The following IKBKB-DT variants were observed in gnomAD, a reference collection of about 807,000 sequenced individuals.
The protein encoded by IKBKB-DT is IKBKB divergent transcript.
At chr8:42,255,514 T>C (rs1807186560) in intron 3 of IKBKB-DT, 1 of 152,166 alleles carries the variant, frequency 6.6e-6, no homozygotes, top group Non-Finnish European at 1.5e-5. Context: ...TTCTTACTCA[T>C]CTGTAAGGCA....
At chr8:42,258,147 T>C (rs1327205913) in intron 3 of IKBKB-DT, among the ~76,000 whole-genome samples, 2 of 152,196 alleles carry the variant, frequency 1.3e-5, no homozygotes, top group East Asian at 3.8e-4. Context: ...AATACTCCAA[T>C]AAAACTTTGT....
At chr8:42,238,373 A>C (rs1222545247) in intron 3 of IKBKB-DT, among the ~76,000 whole-genome samples, 3 of 152,190 alleles carry the variant, frequency 2.0e-5, no homozygotes, top group Non-Finnish European at 4.4e-5. Flanking sequence ...CACAGGAGGA[A>C]TTTAGTTTAC....
intron 3 of IKBKB-DT, among the ~76,000 whole-genome samples, chr8:42,250,981 C>A (rs1263673572): frequency 6.6e-6 from 1 of 152,116 alleles, no homozygotes; most frequent in Non-Finnish European, 1.5e-5. Flanking sequence ...ACCTGTAATC[C>A]CAGCACTTTG....
At chr8:42,252,787 T>C (rs1807145111) in intron 3 of IKBKB-DT, among the ~76,000 whole-genome samples, 1 of 152,226 alleles carries the variant, frequency 6.6e-6, no homozygotes, top group Non-Finnish European at 1.5e-5. Context: ...CATCATACCT[T>C]AAAAAGTACA....
exon 1 of IKBKB-DT, chr8:42,271,181 C>T: frequency 1.7e-6 from 1 of 603,086 alleles, no homozygotes; most frequent in Middle Eastern, 4.1e-4. Context: ...ACGCCACCCC[C>T]GCCCCGGGGG....
intron 1 of IKBKB-DT, among the ~76,000 whole-genome samples, chr8:42,269,302 A>T (rs1452155482): frequency 2.0e-5 from 3 of 149,826 alleles, no homozygotes; most frequent in African/African-American, 7.4e-5. Context: ...AGTGGGCGAT[A>T]GAGAAAGGCC....
intron 3 of IKBKB-DT, among the ~76,000 whole-genome samples, chr8:42,248,630 C>G (rs1486802556): frequency 6.6e-6 from 1 of 152,054 alleles, no homozygotes; most frequent in Non-Finnish European, 1.5e-5. Flanking sequence ...TCTGTAATCC[C>G]AGCACTTTGG....
chr8:42,248,852 G>A (rs1315143951), intron 3 of IKBKB-DT, among the ~76,000 whole-genome samples: 1 of 148,738 alleles, frequency 6.7e-6, no homozygotes. Context: ...ACTCCAGCCT[G>A]GCAACAGAGG....
At chr8:42,245,209 C>T (rs1585461540) in intron 3 of IKBKB-DT, among the ~76,000 whole-genome samples, 2 of 152,090 alleles carry the variant, frequency 1.3e-5, no homozygotes, top group East Asian at 1.9e-4. Flanking sequence ...TAGCTGAGAT[C>T]GCACCACTGC....
At chr8:42,267,574 G>A (rs1807392775) in intron 1 of IKBKB-DT, among the ~76,000 whole-genome samples, 1 of 152,120 alleles carries the variant, frequency 6.6e-6, no homozygotes, top group Admixed American at 6.6e-5. Flanking sequence ...GATCCCCTGG[G>A]TCAGTAATGC....
At chr8:42,258,224 G>T (rs1241221375) in intron 3 of IKBKB-DT, among the ~76,000 whole-genome samples, 1 of 152,150 alleles carries the variant, frequency 6.6e-6, no homozygotes, top group African/African-American at 2.4e-5. Flanking sequence ...TCATTTTTGA[G>T]ATCCTTATAA....
At chr8:42,249,066 C>T (rs1172501611) in intron 3 of IKBKB-DT, 1 of 152,074 alleles carries the variant, frequency 6.6e-6, no homozygotes, top group Non-Finnish European at 1.5e-5. Context: ...ATTTCTTTCA[C>T]AGAACGAGAT....
chr8:42,256,996 A>G (rs1807211122), intron 3 of IKBKB-DT, among the ~76,000 whole-genome samples: 1 of 152,232 alleles, frequency 6.6e-6, no homozygotes, highest in Non-Finnish European at 1.5e-5. Context: ...ATTAATTGTA[A>G]TACAATTGAG....
intron 1 of IKBKB-DT, among the ~76,000 whole-genome samples, chr8:42,266,757 G>T (rs1287799910): frequency 1.3e-5 from 2 of 152,146 alleles, no homozygotes; most frequent in South Asian, 2.1e-4. Flanking sequence ...AGATGGCCAC[G>T]AGAGTGACAT....
At chr8:42,261,945 C>T (rs758779988) in intron 3 of IKBKB-DT, among the ~76,000 whole-genome samples, 5 of 152,164 alleles carry the variant, frequency 3.3e-5, no homozygotes, top group South Asian at 2.1e-4. Context: ...ATAATCTGGG[C>T]GCCTCAGCAG....
intron 3 of IKBKB-DT, among the ~76,000 whole-genome samples, chr8:42,248,058 A>C (rs1807083677): frequency 6.7e-6 from 1 of 149,468 alleles, no homozygotes. Flanking sequence ...TCACCGCTAC[A>C]CTCCAGCCTG....
At chr8:42,260,668 CAAAAAAAAAA>C (rs771731696) in intron 3 of IKBKB-DT, among the ~76,000 whole-genome samples, 1 of 44,932 alleles carries the variant, frequency 2.2e-5, no homozygotes, top group Non-Finnish European at 5.7e-5. Flanking sequence ...GACTCTGTCT[CAAAAAAAAAA>C]AAAAAAAAAA....
intron 3 of IKBKB-DT, among the ~76,000 whole-genome samples, chr8:42,238,891 C>T (rs1159781338): frequency 1.3e-5 from 2 of 152,178 alleles, no homozygotes; most frequent in Admixed American, 6.5e-5. Flanking sequence ...AATCCCTAGC[C>T]TCTGAATTCT....
chr8:42,269,462 AGGGG>A (rs1807464485), intron 1 of IKBKB-DT, among the ~76,000 whole-genome samples: 2 of 20,888 alleles, frequency 9.6e-5, no homozygotes, highest in African/African-American at 4.5e-4. Flanking sequence ...AGGGGAGGGG[AGGGG>A]AGGGGAGGAA....
Sources: allele counts gnomAD v4.1 joint callset (sites outside exome capture counted in the v4.1 genomes callset), GRCh38; gene constraint gnomAD v4.1.1; transcripts MANE v1.5; gene names NCBI Gene and HGNC (gene_info 2026-07-23, HGNC 2026-07-21).